The following MET variants were observed in gnomAD, a reference collection of about 807,000 sequenced individuals.
MET encodes the protein MET proto-oncogene, receptor tyrosine kinase, also known as hepatocyte growth factor receptor.
Under a neutral mutation model 133.1 loss-of-function variants are expected in MET, and 48 were observed. That is an observed-to-expected ratio of 0.36 (90% CI 0.29 to 0.46). The LOEUF (loss-of-function observed/expected upper bound fraction) is 0.46. MET is among the 20% of genes least tolerant of loss of function. The probability of loss-of-function intolerance (pLI) is 1.00; values close to 1 mark genes in which losing one functional copy is unlikely to be tolerated. For synonymous variants in MET, 628 were observed against 616.5 expected, an observed-to-expected ratio of 1.02 and a Z score of -0.28; for missense variants, 1,442 against 1,695.9, an observed-to-expected ratio of 0.85 and a Z score of 2.63.
intron 2 of MET, among the ~76,000 whole-genome samples, chr7:116,714,113 A>G (rs531001022): frequency 1.3e-5 from 2 of 152,330 alleles, no homozygotes; most frequent in East Asian, 3.9e-4. Flanking sequence ...ACTCCTGGCT[A>G]TGATTGAAGT....
chr7:116,704,490 G>C (rs17138950), intron 2 of MET, among the ~76,000 whole-genome samples: 1 of 152,082 alleles, frequency 6.6e-6, no homozygotes, highest in African/African-American at 2.4e-5. Flanking sequence ...GAATACTTGC[G>C]TAAAGAAAGA....
In MET at chr7:116,672,270, G is replaced by T; in HGVS notation, c.-322G>T. ...GGTGCCTCCGGCCCCAACGCGCCCG[G>T]GCCGCCGCGGGCCGCGCGCGCCGAT... On this transcript the variant is annotated 5_prime_UTR_variant, in exon 1 of 21. Transcript: ENST00000397752. The T allele has an allele frequency of 5.9e-6, 1 of 170,480 alleles. No individual in the cohort carries two copies. 10.6% of individuals were successfully genotyped at this position (170,480 alleles called of 1,614,324 possible). A position where few individuals can be genotyped will look rare whatever the true frequency, so the allele number is the denominator to read the frequency against.
chr7:116,788,796 C>T (rs895558647), intron 19 of MET, among the ~76,000 whole-genome samples: 1 of 152,152 alleles, frequency 6.6e-6, no homozygotes, highest in Admixed American at 6.5e-5. Context: ...TTGAAACCTG[C>T]GACCAAAAAC....
intron 18 of MET, 148 bp from the exon 19 acceptor site, chr7:116,783,156 G>A: frequency 1.2e-6 from 1 of 839,354 alleles, no homozygotes; most frequent in East Asian, 2.7e-5. Flanking sequence ...TTGTAATTTA[G>A]TGTTAGTCAA....
intron 3 of MET, among the ~76,000 whole-genome samples, chr7:116,734,960 A>G (rs1210453691): frequency 6.6e-6 from 1 of 152,226 alleles, no homozygotes; most frequent in Non-Finnish European, 1.5e-5. Flanking sequence ...GCACTTGTAT[A>G]AGGCTTTTAA....
intron 3 of MET, among the ~76,000 whole-genome samples, chr7:116,737,694 A>G (rs984807765): frequency 6.6e-6 from 1 of 152,216 alleles, no homozygotes; most frequent in Non-Finnish European, 1.5e-5. Flanking sequence ...CTGTTATGAA[A>G]GTACAAACAT....
rs1281663962 is a variant in MET, at chr7:116,778,766, G to T, written c.3341-10G>T. On this transcript the variant is annotated splice_polypyrimidine_tract_variant and intron_variant, in intron 16 of 20. Coordinates refer to ENST00000397752, the MANE Select transcript of MET (RefSeq NM_000245.4). ...AATGAAGTTAATGTCTCCACCACTG[G>T]ATTTCTCAGGAATCACTGACATAGG... 1 of 1,613,756 alleles carries T rather than the reference G, an allele frequency of 6.2e-7. No homozygotes were observed.
At chr7:116,790,287 C>A (rs1246059627) in intron 19 of MET, among the ~76,000 whole-genome samples, 1 of 152,208 alleles carries the variant, frequency 6.6e-6, no homozygotes, top group African/African-American at 2.4e-5. Context: ...CTCCCCCAGG[C>A]CCTGGCAACC....
chr7:116,723,772 G>A (rs1253244386), intron 2 of MET, among the ~76,000 whole-genome samples: 4 of 152,178 alleles, frequency 2.6e-5, no homozygotes, highest in Non-Finnish European at 5.9e-5. Context: ...CCTGCTGGGG[G>A]GTGCCTCCCA....
At chr7:116,784,249 T>C (rs971173000) in intron 19 of MET, among the ~76,000 whole-genome samples, 4 of 152,238 alleles carry the variant, frequency 2.6e-5, no homozygotes, top group Admixed American at 2.6e-4. Context: ...AATATACTTA[T>C]ACTAGGTCAT....
Position 116,796,628 on chromosome 7 carries a change from C to A in MET, c.*504C>A. 1 of 278,036 alleles carries A rather than the reference C, an allele frequency of 3.6e-6. No individual in the cohort carries two copies. Among genetic ancestry groups the A allele is most frequent in the South Asian group, 8.2e-5 (1 of 12,244 alleles). 17.2% of individuals were successfully genotyped at this position (278,036 alleles called of 1,614,324 possible). A position where few individuals can be genotyped will look rare whatever the true frequency, so the allele number is the denominator to read the frequency against. ...GTCATTCACCCATTAGGTAAACATT[C>A]CCTTTTAAATGTTTGTTTGTTTTTT... On this transcript the variant is annotated 3_prime_UTR_variant, in exon 21 of 21. Coordinates refer to ENST00000397752, the MANE Select transcript of MET (RefSeq NM_000245.4).
At position 116,777,414 on chromosome 7, in the gene MET, G is replaced by A; in HGVS notation, c.3285G>A (p.Gly1095=). The A allele has an allele frequency of 1.2e-6, 2 of 1,613,824 alleles. No homozygotes were observed. Among genetic ancestry groups the A allele is most frequent in the Non-Finnish European group, 1.7e-6 (2 of 1,179,836 alleles). The change falls in exon 16 of 21, where the codon GGG becomes GGA. Residue 1095 remains glycine (G), a synonymous_variant. Transcript: ENST00000397752. ...GRGHFGCVYH[G]TLLDNDGKKI... ...GGCATTTTGGTTGTGTATATCATGG[G>A]ACTTTGTTGGACAATGATGGCAAGA...
intron 2 of MET, among the ~76,000 whole-genome samples, chr7:116,720,690 C>A (rs1318309834): frequency 7.1e-6 from 1 of 140,654 alleles, no homozygotes; most frequent in East Asian, 2.0e-4. Flanking sequence ...GAGTTTTTAA[C>A]ATGAAGGGTT....
intron 9 of MET, 56 bp downstream of exon 9, chr7:116,758,676 C>T (rs2116933533): frequency 6.4e-7 from 1 of 1,563,638 alleles, no homozygotes; most frequent in Non-Finnish European, 8.8e-7. Flanking sequence ...GATGATTTTG[C>T]TGTAGAATAG....
At chr7:116,702,605 T>G (rs750200033) in intron 2 of MET, among the ~76,000 whole-genome samples, 1 of 152,198 alleles carries the variant, frequency 6.6e-6, no homozygotes. Context: ...AGAAATCAAG[T>G]GACCCTTTTA....
intron 17 of MET, among the ~76,000 whole-genome samples, chr7:116,781,136 C>A (rs573571083): frequency 1.3e-5 from 2 of 152,272 alleles, no homozygotes; most frequent in South Asian, 4.2e-4. Flanking sequence ...ATCCTCGGAG[C>A]CTGCTGAAAT....
intron 3 of MET, among the ~76,000 whole-genome samples, chr7:116,736,549 A>C (rs1793217901): frequency 1.3e-5 from 2 of 152,184 alleles, no homozygotes; most frequent in South Asian, 4.1e-4. Context: ...ATATTTGTGG[A>C]TATCTCACAC....
At chr7:116,718,837 G>A (rs1465288758) in intron 2 of MET, among the ~76,000 whole-genome samples, 6 of 144,846 alleles carry the variant, frequency 4.1e-5, no homozygotes, top group Non-Finnish European at 7.6e-5. Context: ...ATTTTTTATG[G>A]CTGCATAGTA....
At chr7:116,772,067 T>C in intron 14 of MET, 78 bp downstream of exon 14, 1 of 1,532,678 alleles carries the variant, frequency 6.5e-7, no homozygotes, top group African/African-American at 1.4e-5. Context: ...TTATTTTTGG[T>C]TTTGCATTTA....
Sources: gnomAD v4.1 joint callset for allele counts (sites outside exome capture counted in the v4.1 genomes callset) on GRCh38, gnomAD v4.1.1 for gene constraint, MANE v1.5 for transcripts, NCBI Gene and HGNC (gene_info 2026-07-23, HGNC 2026-07-21) for gene names.